The following CCND3 variants were observed in gnomAD, a reference collection of about 807,000 sequenced individuals.
CCND3 encodes the protein cyclin D3.
In CCND3, 9 loss-of-function variants were observed where a neutral mutation model predicts 28.7. The observed-to-expected ratio is 0.31, with a 90% CI of 0.19 to 0.55. The LOEUF (loss-of-function observed/expected upper bound fraction) is 0.55. Ranked by LOEUF, CCND3 falls within the 20% of genes least tolerant of loss-of-function variation. The pLI is 0.93. For missense variants in CCND3, 315 were observed against 385.8 expected (o/e 0.82, Z 1.54); for synonymous variants, 164 against 163.9 (o/e 1.00, Z 0.00).
intron 1 of CCND3, among the ~76,000 whole-genome samples, chr6:41,989,458 AAAAAAAAAC>A (rs1457209337): frequency 2.0e-5 from 3 of 147,254 alleles, no homozygotes; most frequent in South Asian, 2.1e-4. Flanking sequence ...CTGTCTCAAA[AAAAAAAAAC>A]AAAAAAAAAA....
chr6:41,988,701 T>TTC (rs1554163799), intron 1 of CCND3, among the ~76,000 whole-genome samples: 2 of 139,370 alleles, frequency 1.4e-5, no homozygotes, highest in Non-Finnish European at 1.5e-5. Flanking sequence ...CTTCTTTTCT[T>TTC]TTTTTTTTTT....
At chr6:41,960,820 C>A (rs1039080413) in intron 1 of CCND3, among the ~76,000 whole-genome samples, 1 of 152,300 alleles carries the variant, frequency 6.6e-6, no homozygotes, top group Admixed American at 6.5e-5. Flanking sequence ...CTGGCCTCAA[C>A]GTCCAAGCAA....
chr6:41,998,524 C>T (rs1326122658), intron 1 of CCND3, among the ~76,000 whole-genome samples: 1 of 150,704 alleles, frequency 6.6e-6, no homozygotes, highest in East Asian at 2.0e-4. Context: ...AACGGGGTTT[C>T]ACCATGTTGG....
At position 41,938,585 on chromosome 6, in the gene CCND3, C is replaced by T. The variant is rs1775885187; in HGVS notation, c.415-1191G>A. On this transcript the variant is annotated intron_variant, in intron 2 of 4. Coordinates refer to ENST00000372991, the MANE Select transcript of CCND3 (RefSeq NM_001760.5). The surrounding 1 kb of genome is among the most constrained non-coding windows in gnomAD (Gnocchi z 4.6). The stretch of plus-strand genomic sequence containing the variant: ...ATCTGGAAGGCAACTGGGAGTGGGA[C>T]TCTCCCTATGGGGAGGCAAGGGGTT... 6.6e-6 allele frequency among the ~76,000 whole-genome samples: 1 copy of T among 152,232 alleles called. No individual in the cohort carries two copies. The highest frequency in any genetic ancestry group is 6.5e-5 in the Admixed American group (1 of 15,286).
At chr6:41,937,070 A>G (rs370975380) in intron 3 of CCND3, 165 bp downstream of exon 3, 2 of 725,792 alleles carry the variant, frequency 2.8e-6, no homozygotes, top group Non-Finnish European at 4.6e-6. Flanking sequence ...GAGATCCCAT[A>G]TAGCTGATTA....
intron 1 of CCND3, among the ~76,000 whole-genome samples, chr6:41,988,561 G>T (rs747993406): frequency 3.3e-5 from 5 of 152,036 alleles, no homozygotes; most frequent in African/African-American, 4.8e-5. Flanking sequence ...AAGGAGTACG[G>T]ATTTCCTACA....
chr6:42,006,201 T>A (rs934452293), intron 1 of CCND3, among the ~76,000 whole-genome samples: 1 of 151,408 alleles, frequency 6.6e-6, no homozygotes, highest in African/African-American at 2.4e-5. Flanking sequence ...ATGTAACTTA[T>A]AACACTCATA....
intron 1 of CCND3, among the ~76,000 whole-genome samples, chr6:41,949,802 A>G (rs1163237507): frequency 4.0e-5 from 6 of 151,492 alleles, no homozygotes; most frequent in Admixed American, 3.3e-4. Context: ...AAATAAGAAT[A>G]CAACCTACAG....
In CCND3 at chr6:41,965,058, CTTTTTTTTTTTTTTT is replaced by C. The variant is rs56138276; in HGVS notation, c.-45-24488_-45-24474del. On this transcript the variant is annotated intron_variant, in intron 1 of 4. Coordinates refer to the CCND3 transcript ENST00000372988. ...GGAAAATGTTCTCTATTTCACGTTG[CTTTTTTTTTTTTTTT>C]TTTTTTTTTTTTTTGACAGAGTTTC... Among the ~76,000 whole-genome samples the C allele has an allele frequency of 2.7e-3, 225 of 82,126 alleles. 5 individuals carry two copies. The highest frequency in any genetic ancestry group is 0.011 in the African/African-American group (199 of 18,598). 53.9% of individuals were successfully genotyped at this position (82,126 alleles called of 152,430 possible).
At chr6:42,008,159 T>C (rs965105177) in intron 1 of CCND3, among the ~76,000 whole-genome samples, 1 of 152,140 alleles carries the variant, frequency 6.6e-6, no homozygotes, top group Non-Finnish European at 1.5e-5. Context: ...GGTGGGCAGA[T>C]CACCTCAGGT....
chr6:41,941,479 C>A lies in CCND3; in HGVS notation c.171G>T (p.Arg57=). 6.2e-7 allele frequency: 1 copy of A among 1,608,068 alleles called. No individual in the cohort carries two copies. The highest frequency in any genetic ancestry group is 1.1e-5 in the South Asian group (1 of 90,500). Residue 57 remains arginine (R), a synonymous_variant, in exon 1 of 5, where the codon CGG becomes CGT. Coordinates refer to ENST00000372991, the MANE Select transcript of CCND3 (RefSeq NM_001760.5). This position sits in a 1 kb window ranked among gnomAD's most constrained non-coding sequence, Gnocchi z 6.1. Reference sequence around the variant, plus strand: ...CCAGCATCCAGTAAGCCAGCATCTTCCGCATGTGCGGCTTGATCTCCCGCT... The same window carrying A: ...CCAGCATCCAGTAAGCCAGCATCTTACGCATGTGCGGCTTGATCTCCCGCT... ...CVQREIKPHM[R]KMLAYWMLEV...
intron 1 of CCND3, among the ~76,000 whole-genome samples, chr6:41,954,625 C>T (rs1200979982): frequency 1.3e-5 from 2 of 151,960 alleles, no homozygotes; most frequent in African/African-American, 2.4e-5. Context: ...TCTTGAACTC[C>T]TGGCCTCCAG....
intron 1 of CCND3, among the ~76,000 whole-genome samples, chr6:41,977,620 G>A (rs1762220424): frequency 1.3e-5 from 2 of 152,098 alleles, no homozygotes; most frequent in African/African-American, 2.4e-5. Context: ...ACCCACCTAG[G>A]CCTCCCAAAG....
At chr6:42,007,839 T>A (rs1763219491) in intron 1 of CCND3, among the ~76,000 whole-genome samples, 1 of 152,024 alleles carries the variant, frequency 6.6e-6, no homozygotes, top group African/African-American at 2.4e-5. Context: ...CAAAAGCACA[T>A]AATGTTGCTT....
rs1775820227 is a variant in CCND3 at position 41,936,930 on chromosome 6, A to C, written c.575-235T>G. 5.1e-6 allele frequency: 3 copies of C among 592,058 alleles called. No individual in the cohort carries two copies. The Admixed American group carries it at 9.0e-5, about 18-fold the overall frequency. The allele number at this position is 592,058 out of a possible 1,614,324, so 36.7% of individuals were successfully genotyped here. On this transcript the variant is annotated intron_variant, in intron 3 of 4. Transcript: ENST00000372991. The surrounding 1 kb of genome is among the most constrained non-coding windows in gnomAD (Gnocchi z 4.4). ...CATAGGTCCCGGGAATAGACAAGAC[A>C]CTCCCTAGTATGGGAACACAACTAG...
intron 1 of CCND3, among the ~76,000 whole-genome samples, chr6:42,006,568 T>C (rs1417074426): frequency 6.6e-6 from 1 of 152,134 alleles, no homozygotes; most frequent in East Asian, 1.9e-4. Context: ...TATTAATAGA[T>C]GATATGACTA....
intron 1 of CCND3, among the ~76,000 whole-genome samples, chr6:42,042,421 C>T (rs1168209740): frequency 4.0e-5 from 6 of 150,704 alleles, no homozygotes; most frequent in Non-Finnish European, 5.9e-5. Flanking sequence ...AGTGCAATGG[C>T]GCGATCTCGG....
At chr6:41,989,437 A>G (rs1169158483) in intron 1 of CCND3, among the ~76,000 whole-genome samples, 1 of 144,594 alleles carries the variant, frequency 6.9e-6, no homozygotes, top group Non-Finnish European at 1.5e-5. Flanking sequence ...CTGGGCGACA[A>G]GAGTGAAACA....
chr6:41,997,388 G>A (rs905652801), intron 1 of CCND3, among the ~76,000 whole-genome samples: 1 of 152,184 alleles, frequency 6.6e-6, no homozygotes, highest in African/African-American at 2.4e-5. Flanking sequence ...GAACTAAGGT[G>A]CAGTAGGAAG....
Sources: allele counts gnomAD v4.1 joint callset (sites outside exome capture counted in the v4.1 genomes callset), GRCh38; gene constraint gnomAD v4.1.1; non-coding constraint Gnocchi (gnomAD v3.1); transcripts MANE v1.5; gene names NCBI Gene and HGNC (gene_info 2026-07-23, HGNC 2026-07-21).